The following NRXN1 variants were observed in gnomAD, a reference collection of about 807,000 sequenced individuals.
NRXN1 encodes neurexin 1, also known as neurexin-1.
Under a neutral mutation model 150.9 loss-of-function variants are expected in NRXN1, and 39 were observed. That is an observed-to-expected ratio of 0.26 (90% CI 0.20 to 0.34). The LOEUF (loss-of-function observed/expected upper bound fraction) is 0.34. Among genes scored for constraint, NRXN1 ranks in the 10% least tolerant of loss-of-function variants. The pLI, the probability that NRXN1 is intolerant of heterozygous loss-of-function variation, is 1.00. For missense variants in NRXN1, 1,815 were observed against 1,949.9 expected, an observed-to-expected ratio of 0.93 and a Z score of 1.30; for synonymous variants, 924 against 757.0, an observed-to-expected ratio of 1.22 and a Z score of -3.62.
At chr2:50,110,176 T>C (rs1049604698) in intron 18 of NRXN1, among the ~76,000 whole-genome samples, 2 of 151,958 alleles carry the variant, frequency 1.3e-5, no homozygotes, top group African/African-American at 4.8e-5. Context: ...ACATCAGCTA[T>C]CCCTCCCTCC....
At chr2:50,155,663 C>T (rs2058974669) in intron 18 of NRXN1, among the ~76,000 whole-genome samples, 1 of 151,518 alleles carries the variant, frequency 6.6e-6, no homozygotes, top group African/African-American at 2.4e-5. Flanking sequence ...TTAATAAATA[C>T]ATGATGCATA....
intron 17 of NRXN1, among the ~76,000 whole-genome samples, chr2:50,257,940 A>C (rs2067872794): frequency 1.3e-5 from 2 of 151,978 alleles, no homozygotes; most frequent in Admixed American, 1.3e-4. Flanking sequence ...TTATACTATA[A>C]TGTAGTCTAT....
At chr2:50,461,700 A>G (rs2088236409) in intron 17 of NRXN1, among the ~76,000 whole-genome samples, 1 of 152,024 alleles carries the variant, frequency 6.6e-6, no homozygotes, top group Non-Finnish European at 1.5e-5. Flanking sequence ...ATAAACAGCT[A>G]CACCATACAA....
chr2:50,922,715 C>T (rs1183196502), intron 3 of NRXN1, 28 bp from the exon 4 acceptor site: 13 of 1,608,286 alleles, frequency 8.1e-6, no homozygotes, highest in Non-Finnish European at 1.1e-5. Context: ...GCACAGTCAG[C>T]AATAAACAAG....
chr2:50,310,062 A>G (rs1206303224), intron 17 of NRXN1, among the ~76,000 whole-genome samples: 1 of 152,210 alleles, frequency 6.6e-6, no homozygotes, highest in Non-Finnish European at 1.5e-5. Context: ...CTAAAACGAC[A>G]TGCCTCTGGC....
intron 5 of NRXN1, among the ~76,000 whole-genome samples, chr2:50,843,824 A>G (rs1018365345): frequency 2.6e-5 from 4 of 152,106 alleles, no homozygotes; most frequent in African/African-American, 9.7e-5. Flanking sequence ...ATGCCCTAAA[A>G]CTTCTCTGAA....
At chr2:50,278,275 T>TTA (rs1491236361) in intron 17 of NRXN1, among the ~76,000 whole-genome samples, 1 of 87,672 alleles carries the variant, frequency 1.1e-5, no homozygotes, top group African/African-American at 4.6e-5. Flanking sequence ...TATATATGTA[T>TTA]TATATATATA....
chr2:50,245,534 C>A (rs981664635), intron 17 of NRXN1, among the ~76,000 whole-genome samples: 3 of 151,836 alleles, frequency 2.0e-5, no homozygotes, highest in Non-Finnish European at 4.4e-5. Flanking sequence ...ATCACATCAT[C>A]AGGAACTTTA....
At chr2:50,182,698 A>G (rs1036546128) in intron 18 of NRXN1, among the ~76,000 whole-genome samples, 6 of 152,102 alleles carry the variant, frequency 3.9e-5, no homozygotes, top group African/African-American at 1.4e-4. Flanking sequence ...ATTCACAATC[A>G]TGAATATTAT....
intron 21 of NRXN1, among the ~76,000 whole-genome samples, chr2:49,956,823 G>A (rs952847710): frequency 6.6e-6 from 1 of 152,202 alleles, no homozygotes; most frequent in East Asian, 1.9e-4. Flanking sequence ...GTATATAACT[G>A]TTGATTTAAT....
At chr2:51,012,742 T>A (rs551176755) in intron 2 of NRXN1, among the ~76,000 whole-genome samples, 1 of 152,024 alleles carries the variant, frequency 6.6e-6, no homozygotes, top group African/African-American at 2.4e-5. Context: ...AACAGAGGGG[T>A]CAAAGATGAG....
chr2:50,728,202 A>C (rs1574263820), intron 5 of NRXN1, among the ~76,000 whole-genome samples: 1 of 152,152 alleles, frequency 6.6e-6, no homozygotes, highest in Middle Eastern at 3.4e-3. Flanking sequence ...TATATGACTC[A>C]TAATGTCCTT....
chr2:50,325,080 C>G (rs537535970), intron 17 of NRXN1, among the ~76,000 whole-genome samples: 126 of 152,216 alleles, frequency 8.3e-4, no homozygotes, highest in African/African-American at 2.9e-3. Context: ...GAAGAGAAAA[C>G]AGACAGAGGG....
chr2:50,717,846 C>T (rs1249372312), intron 5 of NRXN1, among the ~76,000 whole-genome samples: 2 of 151,918 alleles, frequency 1.3e-5, no homozygotes, highest in African/African-American at 4.8e-5. Context: ...TGTAAGAGAC[C>T]CTTTTGTAAA....
intron 5 of NRXN1, among the ~76,000 whole-genome samples, chr2:50,819,858 T>G (rs996993918): frequency 2.0e-5 from 3 of 152,108 alleles, no homozygotes; most frequent in African/African-American, 7.2e-5. Flanking sequence ...ATTGGTACTT[T>G]ACTGTTAACA....
intron 18 of NRXN1, among the ~76,000 whole-genome samples, chr2:50,233,319 T>C (rs962029116): frequency 3.9e-5 from 6 of 151,988 alleles, no homozygotes; most frequent in African/African-American, 1.4e-4. Flanking sequence ...AAAAAATCCA[T>C]CTATCAAAAC....
chr2:50,335,780 C>A (rs895905784), intron 17 of NRXN1, among the ~76,000 whole-genome samples: 1 of 152,150 alleles, frequency 6.6e-6, no homozygotes, highest in Non-Finnish European at 1.5e-5. Flanking sequence ...CAATTTCAAC[C>A]CTTTGTCTTT....
At chr2:50,386,234 T>G (rs1292000916) in intron 17 of NRXN1, among the ~76,000 whole-genome samples, 1 of 152,180 alleles carries the variant, frequency 6.6e-6, no homozygotes, top group Non-Finnish European at 1.5e-5. Context: ...ATCATTTTGC[T>G]ATATTTGACA....
chr2:50,293,052 C>A (rs187392945), intron 17 of NRXN1, among the ~76,000 whole-genome samples: 6 of 152,206 alleles, frequency 3.9e-5, no homozygotes, highest in Admixed American at 6.5e-5. Context: ...TTATCTGTGC[C>A]CCTAAGCGTA....
Sources: gnomAD v4.1 joint callset for allele counts (sites outside exome capture counted in the v4.1 genomes callset) on GRCh38, gnomAD v4.1.1 for gene constraint, MANE v1.5 for transcripts, NCBI Gene and HGNC (gene_info 2026-07-23, HGNC 2026-07-21) for gene names.